Variants in NAALADL1 observed in about 807,000 individuals in gnomAD.
NAALADL1 encodes the protein aminopeptidase NAALADL1.
A neutral mutation model predicts 82.8 loss-of-function variants in NAALADL1; 77 were observed. The observed-to-expected ratio is 0.93, with a 90% CI of 0.77 to 1.12. NAALADL1 has a LOEUF of 1.12. Among genes scored for constraint, NAALADL1 ranks in the 50% most tolerant of loss-of-function variants. The pLI, the probability that NAALADL1 is intolerant of heterozygous loss-of-function variation, is 0.00. For missense variants in NAALADL1, 956 were observed against 964.0 expected (o/e 0.99, Z 0.11); for synonymous variants, 358 against 399.2 (o/e 0.90, Z 1.23).
Position 65,054,150 on chromosome 11 carries a change from A to G in NAALADL1, c.992+100T>C. ...GAGAGAGAGGAAAGGGAAAAAGGTC[A>G]GGCTTTGAAGTGGAAAGAGGGAACA... On this transcript the variant is annotated intron_variant, in intron 6 of 17. Coordinates refer to ENST00000358658, the MANE Select transcript of NAALADL1 (RefSeq NM_005468.3). This position sits in a 1 kb window ranked among gnomAD's most constrained non-coding sequence, Gnocchi z 4.3. The G allele has an allele frequency of 9.5e-7, 1 of 1,053,278 alleles. No individual in the cohort carries two copies. The highest frequency in any genetic ancestry group is 2.4e-5 in the East Asian group (1 of 41,138). 65.2% of individuals were successfully genotyped at this position (1,053,278 alleles called of 1,614,324 possible).
chr11:65,048,668 C>A (rs1853144885), intron 8 of NAALADL1, among the ~76,000 whole-genome samples: 1 of 152,192 alleles, frequency 6.6e-6, no homozygotes, highest in Non-Finnish European at 1.5e-5. Flanking sequence ...CCTCCACCCT[C>A]AACCCCCGCC....
chr11:65,055,049 G>A (rs1443239816), intron 4 of NAALADL1, among the ~76,000 whole-genome samples: 1 of 152,230 alleles, frequency 6.6e-6, no homozygotes, highest in Non-Finnish European at 1.5e-5. Flanking sequence ...ACGGCCAAAA[G>A]GAGGAAATAG....
Position 65,046,306 on chromosome 11 carries a change from T to C in NAALADL1, c.1738A>G (p.Ser580Gly). The change falls in exon 15 of 18, where the codon AGT becomes GGT. Residue 580 changes from serine (S) to glycine (G), a missense_variant. Physicochemically the swap from Ser to Gly is moderately conservative, Grantham distance 56. Transcript: ENST00000358658. ...TTGAGGGGCAGGAAGAAGCTGTCAC[T>C]GAGCCGGAGAATCACACTCCCCGCT... ...RTAGSVILRL[S>G]DSFFLPLKVS... 1 of 1,614,212 alleles carries C rather than the reference T, an allele frequency of 6.2e-7. No homozygotes were observed. The highest frequency in any genetic ancestry group is 8.5e-7 in the Non-Finnish European group (1 of 1,180,040).
At position 65,046,463 on chromosome 11, in the gene NAALADL1, C is replaced by A. The variant is rs138345812; in HGVS notation, c.1663G>T (p.Asp555Tyr). The A allele has an allele frequency of 7.6e-4, 1,224 of 1,614,144 alleles. 6 individuals are homozygous for A. Among genetic ancestry groups the A allele is most frequent in the Middle Eastern group, 6.1e-3 (37 of 6,062 alleles). Residue 555 changes from aspartate to tyrosine, a missense_variant, in exon 14 of 18, where the codon GAC (aspartate) becomes TAC (tyrosine). Transcript: ENST00000358658. ...HTAFDTFDYV[D>Y]KFLDPGFSSH... ...TCCTCACCCGGGTCCAAAAACTTGT[C>A]CACATAGTCAAAGGTGTCAAAGGCT...
chr11:65,045,299 G>T lies in NAALADL1; in HGVS notation c.2195C>A (p.Ala732Asp). The T allele has an allele frequency of 6.2e-7, 1 of 1,608,016 alleles. No individual in the cohort carries two copies. The highest frequency in any genetic ancestry group is 2.2e-5 in the East Asian group (1 of 44,694). Residue 732 changes from alanine (A) to aspartate (D), a missense_variant, in exon 18 of 18, where the codon GCC becomes GAC. Transcript: ENST00000358658. ...GAGGTCAGCCACAGGCCTCAGGGTG[G>T]CTGCCGCACCCTCCAGGGCTGTCAC... ...IVVTALEGAA[A>D]TLRPVADL
chr11:65,057,015 C>A (rs1947057842), intron 4 of NAALADL1, among the ~76,000 whole-genome samples: 1 of 152,194 alleles, frequency 6.6e-6, no homozygotes, highest in Non-Finnish European at 1.5e-5. Context: ...CAGCGCCCGG[C>A]CCCTAGTCAG....
At chr11:65,056,804 G>A (rs966688721) in intron 4 of NAALADL1, among the ~76,000 whole-genome samples, 2 of 147,674 alleles carry the variant, frequency 1.4e-5, no homozygotes, top group African/African-American at 5.1e-5. Context: ...TACCATCTCT[G>A]CCTCCCAGGT....
intron 8 of NAALADL1, among the ~76,000 whole-genome samples, chr11:65,050,261 G>A (rs917332252): frequency 3.3e-5 from 5 of 151,268 alleles, no homozygotes; most frequent in South Asian, 4.2e-4. Context: ...GGCGGATCAC[G>A]AGGTCAGGAG....
upstream of NAALADL1, among the ~76,000 whole-genome samples, chr11:65,059,192 T>C (rs1336789150): frequency 6.6e-6 from 1 of 152,072 alleles, no homozygotes; most frequent in East Asian, 1.9e-4. Context: ...TTTGTATTTT[T>C]AGTAGAGATG....
At position 65,048,400 on chromosome 11, in the gene NAALADL1, T is replaced by A; in HGVS notation, c.1199-15A>T. ...ACGCCAGGTGCCTGGGAATGGGGGA[T>A]AGAGGGTTGGAGGACAGGGTCCTCC... is the stretch of plus-strand genomic sequence containing the variant. On this transcript the variant is annotated splice_polypyrimidine_tract_variant and intron_variant, in intron 8 of 17. Coordinates refer to ENST00000358658, the MANE Select transcript of NAALADL1 (RefSeq NM_005468.3). 1 of 1,613,936 alleles carries A rather than the reference T, an allele frequency of 6.2e-7. No homozygotes were observed.
Position 65,044,989 on chromosome 11 carries a change from G to A in NAALADL1, c.*282C>T. 1 of 610,998 alleles carries A rather than the reference G, an allele frequency of 1.6e-6. No homozygotes were observed. The highest frequency in any genetic ancestry group is 2.8e-6 in the Non-Finnish European group (1 of 352,506). The allele number at this position is 610,998 out of a possible 1,614,324, so 37.8% of individuals were successfully genotyped here. ...TGACCTGAGTTGGCATCTGAGGTTG[G>A]CACGCATCCCATCTCCACCCACCTG... On this transcript the variant is annotated 3_prime_UTR_variant, in exon 18 of 18. Coordinates refer to ENST00000358658, the MANE Select transcript of NAALADL1 (RefSeq NM_005468.3). This position sits in a 1 kb window ranked among gnomAD's most constrained non-coding sequence, Gnocchi z 4.0.
chr11:65,057,315 C>A, intron 4 of NAALADL1, 56 bp downstream of exon 4: 1 of 1,539,930 alleles, frequency 6.5e-7, no homozygotes. Context: ...TTCCTCCAGT[C>A]CACTGCCCAG....
chr11:65,054,186 G>C lies in NAALADL1; in HGVS notation c.992+64C>G, dbSNP rs190354859. On this transcript the variant is annotated intron_variant, in intron 6 of 17. Transcript: ENST00000358658. The surrounding 1 kb of genome is among the most constrained non-coding windows in gnomAD (Gnocchi z 4.3). ...TGGAAAGAGGGAACATCATCACAAG[G>C]GAAGGGGAGAGGCGAGTTGGGGGAG... 5,231 of 1,377,544 alleles carry C rather than the reference G, an allele frequency of 3.8e-3. 19 individuals carry two copies. The highest frequency in any genetic ancestry group is 9.4e-3 in the Middle Eastern group (43 of 4,554). 85.3% of individuals were successfully genotyped at this position (1,377,544 alleles called of 1,614,324 possible).
rs919798699 is a variant in NAALADL1 at position 65,054,009 on chromosome 11, T to G, written c.992+241A>C. ...CATCTTCAAGAGAGGGAGTCGTGAGTTACAGACGTCAAGATGAGGTGGGAG... is the reference window on the plus strand; with the variant it reads ...CATCTTCAAGAGAGGGAGTCGTGAGGTACAGACGTCAAGATGAGGTGGGAG... On this transcript the variant is annotated intron_variant, in intron 6 of 17. Coordinates refer to ENST00000358658, the MANE Select transcript of NAALADL1 (RefSeq NM_005468.3). This position sits in a 1 kb window ranked among gnomAD's most constrained non-coding sequence, Gnocchi z 4.3. Among the ~76,000 whole-genome samples, 55 of 151,826 alleles carry G rather than the reference T, an allele frequency of 3.6e-4. No individual in the cohort carries two copies. Among genetic ancestry groups the G allele is most frequent in the African/African-American group, 1.3e-3 (53 of 41,382 alleles).
rs560497784 is a variant in NAALADL1, at chr11:65,057,974, G to T, written c.381C>A (p.Ile127=). 4.3e-6 allele frequency: 7 copies of T among 1,614,028 alleles called. No individual in the cohort carries two copies. The highest frequency in any genetic ancestry group is 5.9e-6 in the Non-Finnish European group (7 of 1,180,004). ...VDIVGPTGGI[I]HSCHRTEENV... The stretch of plus-strand genomic sequence containing the variant: ...TCTCCTCAGTCCGGTGGCAGGAGTG[G>T]ATGATGCCCCCAGTGGGGCCCACTG... Residue 127 remains isoleucine (I), a synonymous_variant, in exon 3 of 18, where the codon ATC becomes ATA. Coordinates refer to ENST00000358658, the MANE Select transcript of NAALADL1 (RefSeq NM_005468.3).
At chr11:65,057,827 G>A (rs376421538) in intron 3 of NAALADL1, 48 bp downstream of exon 3, 3 of 1,607,212 alleles carry the variant, frequency 1.9e-6, no homozygotes, top group African/African-American at 1.3e-5. Context: ...AACCCTGGGT[G>A]GAACCAAGGG....
Position 65,058,328 on chromosome 11 carries a change from A to G in NAALADL1, c.185+9T>C. 6.2e-7 allele frequency: 1 copy of G among 1,614,060 alleles called. No homozygotes were observed. The highest frequency in any genetic ancestry group is 8.5e-7 in the Non-Finnish European group (1 of 1,179,944). On this transcript the variant is annotated intron_variant, in intron 1 of 17. Coordinates refer to ENST00000358658, the MANE Select transcript of NAALADL1 (RefSeq NM_005468.3). ...GGCAAACGGAGGAGCAGATGGCCCCACTTCTCACCTGAGGTTCTCCCGGAT... is the reference window on the plus strand; with the variant it reads ...GGCAAACGGAGGAGCAGATGGCCCCGCTTCTCACCTGAGGTTCTCCCGGAT...
In NAALADL1 at chr11:65,054,058, A is replaced by ACAG. The variant is rs1407015667; in HGVS notation, c.992+189_992+191dup. On this transcript the variant is annotated intron_variant, in intron 6 of 17. Transcript: ENST00000358658. The surrounding 1 kb of genome is among the most constrained non-coding windows in gnomAD (Gnocchi z 4.3). ...AGGGGCAGGGGAATCCCCACAGGAA[A>ACAG]CAGCAGCAGCTGTTTCACGGGCTTC... Among the ~76,000 whole-genome samples, 2 of 152,154 alleles carry ACAG rather than the reference A, an allele frequency of 1.3e-5. No individual in the cohort carries two copies. Among genetic ancestry groups the ACAG allele is most frequent in the Non-Finnish European group, 2.9e-5 (2 of 68,016 alleles).
rs1947071162 is a variant in NAALADL1 at position 65,057,458 on chromosome 11, T to C, written c.516A>G (p.Glu172=). 1 of 1,614,064 alleles carries C rather than the reference T, an allele frequency of 6.2e-7. No homozygotes were observed. Among genetic ancestry groups the C allele is most frequent in the Admixed American group, 1.7e-5 (1 of 59,992 alleles). Residue 172 remains glutamate (E), a synonymous_variant, in exon 4 of 18, where the codon GAA becomes GAG. Coordinates refer to ENST00000358658, the MANE Select transcript of NAALADL1 (RefSeq NM_005468.3). ...LLVYANRGAE[E]DFKELQTQGI... Reference sequence around the variant, plus strand: ...CCTGAGTCTGTAGCTCCTTAAAGTCTTCTTCCGCGCCCCGGTTGGCATAGA... The same window carrying C: ...CCTGAGTCTGTAGCTCCTTAAAGTCCTCTTCCGCGCCCCGGTTGGCATAGA...
Sources: allele counts gnomAD v4.1 joint callset (sites outside exome capture counted in the v4.1 genomes callset), GRCh38; gene constraint gnomAD v4.1.1; non-coding constraint Gnocchi (gnomAD v3.1); transcripts MANE v1.5; gene names NCBI Gene and HGNC (gene_info 2026-07-23, HGNC 2026-07-21).